POFUT3: variants seen among roughly 807,000 people sequenced by gnomAD.
The protein encoded by POFUT3 is protein O-fucosyltransferase 3.
the POFUT3 span, among the ~76,000 whole-genome samples, chr8:33,407,019 C>T: frequency 1.3e-5 from 2 of 152,256 alleles, no homozygotes; most frequent in African/African-American, 4.8e-5. Context: ...TGTAAAAGTT[C>T]ACAGATAAAC....
At chr8:33,311,606 T>C in the POFUT3 span, among the ~76,000 whole-genome samples, 1 of 152,202 alleles carries the variant, frequency 6.6e-6, no homozygotes, top group Non-Finnish European at 1.5e-5. Flanking sequence ...TATGTTAATG[T>C]CGGTTTTACT....
chr8:33,415,854 C>T, the POFUT3 span, among the ~76,000 whole-genome samples: 4 of 152,166 alleles, frequency 2.6e-5, no homozygotes, highest in Non-Finnish European at 5.9e-5. Flanking sequence ...GGGAAAAAAG[C>T]GGGTTTAATC....
chr8:33,437,507 T>C, the POFUT3 span, among the ~76,000 whole-genome samples: 3 of 152,070 alleles, frequency 2.0e-5, no homozygotes, highest in Non-Finnish European at 4.4e-5. Flanking sequence ...AATGGCTTCA[T>C]CAGTTAAAAA....
At chr8:33,397,176 A>G in the POFUT3 span, among the ~76,000 whole-genome samples, 133 of 152,352 alleles carry the variant, frequency 8.7e-4, no homozygotes, top group African/African-American at 3.1e-3. Context: ...CTACTTCCCT[A>G]TTAGAACTCC....
At chr8:33,454,063 G>A in the POFUT3 span, among the ~76,000 whole-genome samples, 7 of 152,306 alleles carry the variant, frequency 4.6e-5, no homozygotes, top group African/African-American at 1.7e-4. Context: ...GAAGTTAGAG[G>A]TTGTAGTGAA....
At chr8:33,420,181 T>C in the POFUT3 span, among the ~76,000 whole-genome samples, 1 of 152,308 alleles carries the variant, frequency 6.6e-6, no homozygotes, top group South Asian at 2.1e-4. Flanking sequence ...CATATATGTG[T>C]GTGTCTCATA....
At chr8:33,314,313 G>T in the POFUT3 span, among the ~76,000 whole-genome samples, 1 of 152,148 alleles carries the variant, frequency 6.6e-6, no homozygotes, top group East Asian at 1.9e-4. Flanking sequence ...AACCACGTGG[G>T]ATGGAGGTTA....
chr8:33,351,064 C>A, the POFUT3 span, among the ~76,000 whole-genome samples: 4 of 152,250 alleles, frequency 2.6e-5, no homozygotes, highest in African/African-American at 9.6e-5. Context: ...CCCACTGCAA[C>A]CTGCCTCAGC....
chr8:33,337,196 G>C, the POFUT3 span, among the ~76,000 whole-genome samples: 2 of 152,100 alleles, frequency 1.3e-5, no homozygotes, highest in African/African-American at 4.8e-5. Flanking sequence ...TATTTAATTA[G>C]GATCTTGCTG....
chr8:33,332,321 T>C, the POFUT3 span, among the ~76,000 whole-genome samples: 1 of 151,050 alleles, frequency 6.6e-6, no homozygotes, highest in Non-Finnish European at 1.5e-5. Flanking sequence ...CTGTCTCTAC[T>C]AAAAAAAGAA....
chr8:33,443,094 C>CA, the POFUT3 span, among the ~76,000 whole-genome samples: 1 of 152,216 alleles, frequency 6.6e-6, no homozygotes, highest in East Asian at 1.9e-4. Context: ...GCCTAGGTGA[C>CA]AGAGCCAGAA....
At chr8:33,385,555 G>T in the POFUT3 span, among the ~76,000 whole-genome samples, 107 of 152,256 alleles carry the variant, frequency 7.0e-4, no homozygotes, top group African/African-American at 2.6e-3. Context: ...ACCCTATCAG[G>T]CAAGCAGCCA....
the POFUT3 span, among the ~76,000 whole-genome samples, chr8:33,386,210 A>AG: frequency 1.5e-4 from 22 of 151,170 alleles, no homozygotes; most frequent in African/African-American, 4.9e-4. Context: ...AAAAAAAAAA[A>AG]AAAAGTGGTC....
At chr8:33,382,210 C>A in the POFUT3 span, among the ~76,000 whole-genome samples, 2 of 152,058 alleles carry the variant, frequency 1.3e-5, no homozygotes, top group African/African-American at 4.8e-5. Flanking sequence ...GAGGACCACT[C>A]AAGCCTCGGA....
the POFUT3 span, among the ~76,000 whole-genome samples, chr8:33,426,905 G>T: frequency 6.6e-6 from 1 of 152,150 alleles, no homozygotes; most frequent in Non-Finnish European, 1.5e-5. Flanking sequence ...GGGCTCACAA[G>T]GGTACCCTCT....
chr8:33,415,478 G>A, the POFUT3 span, among the ~76,000 whole-genome samples: 6 of 152,104 alleles, frequency 3.9e-5, no homozygotes, highest in African/African-American at 1.4e-4. Context: ...AGGAGGGGTA[G>A]AGGTGAAAAT....
the POFUT3 span, among the ~76,000 whole-genome samples, chr8:33,327,129 G>C: frequency 2.0e-5 from 3 of 152,164 alleles, no homozygotes; most frequent in Non-Finnish European, 4.4e-5. Context: ...AGTGTGATAG[G>C]AGGTGAAGGG....
At chr8:33,409,320 C>G in the POFUT3 span, among the ~76,000 whole-genome samples, 1 of 152,104 alleles carries the variant, frequency 6.6e-6, no homozygotes, top group Non-Finnish European at 1.5e-5. Context: ...CCAGGCTTGT[C>G]TCGAACCCCT....
the POFUT3 span, among the ~76,000 whole-genome samples, chr8:33,362,471 T>C: frequency 2.0e-5 from 3 of 152,054 alleles, no homozygotes; most frequent in African/African-American, 4.8e-5. Flanking sequence ...AGACACAGAC[T>C]GGCAAATTGG....
Sources: allele counts gnomAD v4.1 joint callset (sites outside exome capture counted in the v4.1 genomes callset), GRCh38; gene constraint gnomAD v4.1.1; transcripts MANE v1.5; gene names NCBI Gene and HGNC (gene_info 2026-07-23, HGNC 2026-07-21).